Variants in MYH9 observed in about 807,000 individuals in gnomAD.
MYH9 encodes the protein myosin-9.
A neutral mutation model predicts 241.9 loss-of-function variants in MYH9; 29 were observed. That is an observed-to-expected ratio of 0.12 (90% confidence interval 0.09 to 0.16). The LOEUF is 0.16. Among genes scored for constraint, MYH9 ranks in the 10% least tolerant of loss-of-function variants. The probability of loss-of-function intolerance (pLI) is 1.00; values close to 1 mark genes in which losing one functional copy is unlikely to be tolerated. For synonymous variants in MYH9, 1,047 were observed against 1,062.6 expected (o/e 0.99, Z 0.29); for missense variants, 1,803 against 2,595.5 (o/e 0.69, Z 6.63).
chr22:36,298,336 G>A (rs2016820693), intron 24 of MYH9, among the ~76,000 whole-genome samples: 1 of 152,020 alleles, frequency 6.6e-6, no homozygotes, highest in African/African-American at 2.4e-5. Context: ...CCCCCTCCCT[G>A]CCACAGATCC....
chr22:36,368,632 C>T (rs1201499038), intron 1 of MYH9, among the ~76,000 whole-genome samples: 1 of 152,184 alleles, frequency 6.6e-6, no homozygotes, highest in Non-Finnish European at 1.5e-5. Context: ...AGCAGACTCA[C>T]TTTTAACCCA....
intron 31 of MYH9, 23 bp downstream of exon 31, chr22:36,291,963 G>A (rs751124185): frequency 1.2e-6 from 2 of 1,613,942 alleles, no homozygotes; most frequent in Non-Finnish European, 1.7e-6. Flanking sequence ...GAAATGCAAA[G>A]GATGGGGCCA....
chr22:36,351,236 G>C (rs962044664), intron 1 of MYH9, among the ~76,000 whole-genome samples: 2 of 152,340 alleles, frequency 1.3e-5, no homozygotes, highest in Non-Finnish European at 2.9e-5. Context: ...CCCAGGAACA[G>C]AGCTTGGCAG....
rs2016507704 is a variant in MYH9, at chr22:36,282,515, G to A, written c.*153C>T. On this transcript the variant is annotated 3_prime_UTR_variant, in exon 41 of 41. Coordinates refer to ENST00000216181, the MANE Select transcript of MYH9 (RefSeq NM_002473.6). The stretch of plus-strand genomic sequence containing the variant: ...AAGCCAAATGCCCTCAACAACACCT[G>A]GAGGGAAACGGGATGGGGGGACGGG... The A allele has an allele frequency of 5.0e-6, 4 of 803,572 alleles. No individual in the cohort carries two copies. The South Asian group carries it at 5.4e-5, about 11-fold the overall frequency. 49.8% of individuals were successfully genotyped at this position (803,572 alleles called of 1,614,324 possible).
At chr22:36,317,905 C>T (rs1257579986) in intron 11 of MYH9, among the ~76,000 whole-genome samples, 1 of 152,258 alleles carries the variant, frequency 6.6e-6, no homozygotes, top group Non-Finnish European at 1.5e-5. Flanking sequence ...TTATACCAGA[C>T]AGGACATGCC....
rs200235677 is a variant in MYH9 at position 36,288,427 on chromosome 22, C to T, written c.4771-14G>A. 1 of 1,606,784 alleles carries T rather than the reference C, an allele frequency of 6.2e-7. No individual in the cohort carries two copies. The highest frequency in any genetic ancestry group is 1.7e-5 in the Admixed American group (1 of 59,998). Reference sequence around the variant, plus strand: ...CATCTCCCGCACCTGGGGGAAGGAACATCAACAACTTGGGAAGCTGGACCC... The same window carrying T: ...CATCTCCCGCACCTGGGGGAAGGAATATCAACAACTTGGGAAGCTGGACCC... On this transcript the variant is annotated splice_polypyrimidine_tract_variant and intron_variant, in intron 33 of 40. Coordinates refer to ENST00000216181, the MANE Select transcript of MYH9 (RefSeq NM_002473.6). This position sits in a 1 kb window ranked among gnomAD's most constrained non-coding sequence, Gnocchi z 4.8.
rs746118702 is a variant in MYH9, at chr22:36,285,295, C to T, written c.5309G>A (p.Arg1770His). The change falls in exon 38 of 41, where the codon CGC (arginine) becomes CAC (histidine). Residue 1770 changes from arginine to histidine, a missense_variant. Transcript: ENST00000216181. The surrounding 1 kb of genome is among the most constrained non-coding windows in gnomAD (Gnocchi z 7.0). ...DQINTDLNLERSHAQKNENAR... is the reference protein window; with the variant it reads ...DQINTDLNLEHSHAQKNENAR... ...ATTCTCGTTCTTCTGGGCGTGGCTG[C>T]GCTCCAGGTTCAGGTCGGTGTTGAT... is the stretch of plus-strand genomic sequence containing the variant. 22 of 1,612,858 alleles carry T rather than the reference C, an allele frequency of 1.4e-5. No individual in the cohort carries two copies. The highest frequency in any genetic ancestry group is 1.7e-5 in the Admixed American group (1 of 60,022).
chr22:36,316,377 C>T lies in MYH9; in HGVS notation c.1380+140G>A, dbSNP rs1603483358. On this transcript the variant is annotated intron_variant, in intron 12 of 40. Coordinates refer to ENST00000216181, the MANE Select transcript of MYH9 (RefSeq NM_002473.6). ...AAAGAAAAAAAAAAAAACAACCCCA[C>T]ACCCAACCAAAGTCTTCATGCAAAG... is the stretch of plus-strand genomic sequence containing the variant. 3.2e-6 allele frequency: 4 copies of T among 1,243,800 alleles called. No homozygotes were observed. In the East Asian group the frequency reaches 9.3e-5, roughly 29 times the overall value. 77.0% of individuals were successfully genotyped at this position (1,243,800 alleles called of 1,614,324 possible).
At chr22:36,290,499 G>A (rs981241311) in intron 31 of MYH9, among the ~76,000 whole-genome samples, 8 of 152,200 alleles carry the variant, frequency 5.3e-5, no homozygotes, top group Non-Finnish European at 1.2e-4. Flanking sequence ...GCTTGCTACA[G>A]CCTCCACCTC....
At chr22:36,359,756 C>T (rs1356297376) in intron 1 of MYH9, among the ~76,000 whole-genome samples, 2 of 152,224 alleles carry the variant, frequency 1.3e-5, no homozygotes, top group East Asian at 3.9e-4. Flanking sequence ...GGTCGTGTGC[C>T]CTCCTGGAAT....
At position 36,304,064 on chromosome 22, in the gene MYH9, T is replaced by C. The variant is rs778631810; in HGVS notation, c.2321A>G (p.Glu774Gly). The C allele has an allele frequency of 2.5e-6, 4 of 1,613,760 alleles. No individual in the cohort carries two copies. In the African/African-American group the frequency reaches 5.3e-5, roughly 22 times the overall value. ...GACGTCGGTGATCTTCAGGTCTCGCTCCTCCTCCAGGTGGGCCAGCACACC... is the reference window on the plus strand; with the variant it reads ...GACGTCGGTGATCTTCAGGTCTCGCCCCTCCTCCAGGTGGGCCAGCACACC... Reference protein sequence around the residue: ...RAGVLAHLEEERDLKITDVII... With the variant: ...RAGVLAHLEEGRDLKITDVII... Residue 774 changes from glutamate to glycine, a missense_variant, in exon 19 of 41, where the codon GAG becomes GGG. Glu to Gly is a moderately conservative substitution (Grantham distance 98). Transcript: ENST00000216181.
intron 1 of MYH9, among the ~76,000 whole-genome samples, chr22:36,371,639 G>A (rs1027754561): frequency 1.3e-5 from 2 of 152,110 alleles, no homozygotes; most frequent in Non-Finnish European, 2.9e-5. Flanking sequence ...AGGTTCATGC[G>A]ATTCTTCCTG....
chr22:36,344,135 G>T (rs1448096909), intron 2 of MYH9, among the ~76,000 whole-genome samples: 1 of 152,274 alleles, frequency 6.6e-6, no homozygotes, highest in Non-Finnish European at 1.5e-5. Context: ...GCTAAGCCCT[G>T]CGGAAAGAGC....
intron 3 of MYH9, among the ~76,000 whole-genome samples, chr22:36,339,481 C>T (rs534088801): frequency 3.3e-5 from 5 of 152,308 alleles, no homozygotes; most frequent in African/African-American, 9.6e-5. Context: ...GAACTGAAGG[C>T]CTGACTTCCT....
At chr22:36,290,956 G>A (rs565253341) in intron 31 of MYH9, among the ~76,000 whole-genome samples, 80 of 150,570 alleles carry the variant, frequency 5.3e-4, no homozygotes, top group Non-Finnish European at 6.1e-4. Context: ...CCCTGCAGCC[G>A]CCCCGTCTGA....
rs73405723 is a variant in MYH9 at position 36,284,727 on chromosome 22, C to T, written c.5484-216G>A. On this transcript the variant is annotated intron_variant, in intron 38 of 40. Coordinates refer to ENST00000216181, the MANE Select transcript of MYH9 (RefSeq NM_002473.6). ...AGGAAATGGGCTCAGGTAAGGGAAG[C>T]GACACACCTCAAAGAGCATCTATGT... Among the ~76,000 whole-genome samples the T allele has an allele frequency of 0.026, 3,933 of 152,236 alleles. 85 individuals are homozygous for T. Among genetic ancestry groups the T allele is most frequent in the Middle Eastern group, 0.075 (22 of 294 alleles).
intron 1 of MYH9, among the ~76,000 whole-genome samples, chr22:36,357,624 T>C (rs1374756462): frequency 6.6e-5 from 10 of 152,126 alleles, no homozygotes; most frequent in Admixed American, 6.5e-4. Flanking sequence ...GGGGTTCGTG[T>C]GAACAAACGC....
chr22:36,288,165 C>T lies in MYH9; in HGVS notation c.4932+87G>A. ...CAGGAGGTGCCACCCTGCCAGGTTCCCGCCCTGGGCCGAGCCCTGGCACCT... is the reference window on the plus strand; with the variant it reads ...CAGGAGGTGCCACCCTGCCAGGTTCTCGCCCTGGGCCGAGCCCTGGCACCT... On this transcript the variant is annotated intron_variant, in intron 34 of 40. Transcript: ENST00000216181. This position sits in a 1 kb window ranked among gnomAD's most constrained non-coding sequence, Gnocchi z 4.8. 1.3e-6 allele frequency: 2 copies of T among 1,552,526 alleles called. No individual in the cohort carries two copies. The highest frequency in any genetic ancestry group is 1.8e-6 in the Non-Finnish European group (2 of 1,136,072).
rs185405614 is a variant in MYH9, at chr22:36,292,286, G to A, written c.4096-52C>T. ...TGCCCGAGATGGCACCTGCTCAGGT[G>A]GCACACCCGTCCCTGGGGCAGCTGG... On this transcript the variant is annotated intron_variant, in intron 30 of 40. Transcript: ENST00000216181. The A allele has an allele frequency of 2.0e-4, 314 of 1,610,132 alleles. No individual in the cohort carries two copies. The Middle Eastern group carries it at 3.8e-3, about 19-fold the overall frequency.
Sources: allele counts gnomAD v4.1 joint callset (sites outside exome capture counted in the v4.1 genomes callset), GRCh38; gene constraint gnomAD v4.1.1; non-coding constraint Gnocchi (gnomAD v3.1); transcripts MANE v1.5; gene names NCBI Gene and HGNC (gene_info 2026-07-23, HGNC 2026-07-21).